The following KCNK13 variants were observed in gnomAD, a reference collection of about 807,000 sequenced individuals.
KCNK13 encodes the protein potassium two pore domain channel subfamily K member 13, also known as potassium channel subfamily K member 13.
KCNK13 carries 12 observed loss-of-function variants against 23.4 expected under a neutral mutation model. The observed-to-expected ratio is 0.51, with a 90% CI of 0.33 to 0.83. KCNK13 has a LOEUF of 0.83. Ranked by LOEUF, KCNK13 falls within the 40% of genes least tolerant of loss-of-function variation. The pLI is 0.02. For missense variants in KCNK13, 463 were observed against 556.3 expected, an observed-to-expected ratio of 0.83 and a Z score of 1.69; for synonymous variants, 231 against 229.5, an observed-to-expected ratio of 1.01 and a Z score of -0.06.
chr14:90,162,922 C>A (rs1467473018), intron 1 of KCNK13, among the ~76,000 whole-genome samples: 1 of 151,958 alleles, frequency 6.6e-6, no homozygotes, highest in Non-Finnish European at 1.5e-5. Flanking sequence ...TCTTACCAAC[C>A]AATAAGAAAA....
chr14:90,125,566 G>A (rs968241282), intron 1 of KCNK13, among the ~76,000 whole-genome samples: 9 of 149,446 alleles, frequency 6.0e-5, no homozygotes, highest in Admixed American at 2.7e-4. Context: ...AAAATCATAT[G>A]TACCAAATAA....
At position 90,184,695 on chromosome 14, in the gene KCNK13, T is replaced by A. The variant is rs1364905491; in HGVS notation, c.919T>A (p.Leu307Met). Residue 307 changes from leucine to methionine, a missense_variant, in exon 2 of 2, where the codon TTG becomes ATG. Physicochemically the swap from Leu to Met is conservative, Grantham distance 15 (BLOSUM62 2). This residue lies in a region of KCNK13 where 166 missense variants were observed against 178.8 expected (regional missense o/e 0.93). Coordinates refer to ENST00000282146, the MANE Select transcript of KCNK13 (RefSeq NM_022054.4). The surrounding 1 kb of genome is among the most constrained non-coding windows in gnomAD (Gnocchi z 5.6). The stretch of plus-strand genomic sequence containing the variant: ...CTGCCCGCAATGCCAGAGAGGACTC[T>A]TGCGATCACGCAGGAACGTGGTGAT... ...GCCPQCQRGL[L>M]RSRRNVVMPG... The A allele has an allele frequency of 6.2e-7, 1 of 1,614,236 alleles. No individual in the cohort carries two copies. The highest frequency in any genetic ancestry group is 1.7e-5 in the Admixed American group (1 of 60,028).
intron 1 of KCNK13, among the ~76,000 whole-genome samples, chr14:90,093,970 G>A (rs927112338): frequency 6.6e-6 from 1 of 152,068 alleles, no homozygotes; most frequent in Non-Finnish European, 1.5e-5. Flanking sequence ...ATTTGCAGGG[G>A]GTGCCATTTT....
At chr14:90,182,825 TAA>T (rs11298963) in intron 1 of KCNK13, among the ~76,000 whole-genome samples, 89 of 142,234 alleles carry the variant, frequency 6.3e-4, no homozygotes, top group East Asian at 1.2e-3. Context: ...CCCATCTCTT[TAA>T]AAAAAAAAAA....
chr14:90,121,769 G>A (rs1489007975), intron 1 of KCNK13, among the ~76,000 whole-genome samples: 2 of 152,042 alleles, frequency 1.3e-5, no homozygotes, highest in African/African-American at 4.8e-5. Context: ...GCCAAGGCTG[G>A]AGTACAGTGG....
At chr14:90,121,359 C>T (rs781493738) in intron 1 of KCNK13, among the ~76,000 whole-genome samples, 2 of 152,160 alleles carry the variant, frequency 1.3e-5, no homozygotes, top group Non-Finnish European at 2.9e-5. Flanking sequence ...CTGTAAGCAC[C>T]GTGGCTTCCT....
chr14:90,094,342 T>G (rs183887310), intron 1 of KCNK13, among the ~76,000 whole-genome samples: 1 of 152,342 alleles, frequency 6.6e-6, no homozygotes, highest in African/African-American at 2.4e-5. Context: ...ACTTGTCTAG[T>G]GTTTGCTCAA....
intron 1 of KCNK13, among the ~76,000 whole-genome samples, chr14:90,106,643 T>G (rs1363420206): frequency 6.6e-6 from 1 of 152,152 alleles, no homozygotes; most frequent in Non-Finnish European, 1.5e-5. Context: ...TGAAATTTTA[T>G]AGATAAAATA....
chr14:90,164,263 G>A (rs1282604484), intron 1 of KCNK13, among the ~76,000 whole-genome samples: 2 of 152,166 alleles, frequency 1.3e-5, no homozygotes, highest in Admixed American at 6.5e-5. Flanking sequence ...ACTGGCTTTG[G>A]CCAAAGGAAA....
At chr14:90,144,926 G>A (rs1890056388) in intron 1 of KCNK13, among the ~76,000 whole-genome samples, 1 of 152,072 alleles carries the variant, frequency 6.6e-6, no homozygotes, top group Non-Finnish European at 1.5e-5. Context: ...GTTAATATTA[G>A]CGGTAGGGTT....
chr14:90,095,054 C>T (rs543201964), intron 1 of KCNK13, among the ~76,000 whole-genome samples: 8 of 152,164 alleles, frequency 5.3e-5, no homozygotes, highest in African/African-American at 1.2e-4. Flanking sequence ...AAATGGATTA[C>T]GTGTTATCCC....
At chr14:90,087,156 T>TATA (rs1555401790) in intron 1 of KCNK13, among the ~76,000 whole-genome samples, 131 of 117,718 alleles carry the variant, frequency 1.1e-3, no homozygotes, top group East Asian at 6.0e-3. Flanking sequence ...ATATATATAT[T>TATA]TTTTTTTTTT....
chr14:90,145,721 G>C (rs376954415), intron 1 of KCNK13, among the ~76,000 whole-genome samples: 19 of 152,158 alleles, frequency 1.2e-4, no homozygotes, highest in African/African-American at 4.3e-4. Flanking sequence ...GAGATGGTTG[G>C]CCAGGTGTGG....
intron 1 of KCNK13, among the ~76,000 whole-genome samples, chr14:90,142,040 G>A (rs1890014234): frequency 1.3e-5 from 2 of 151,364 alleles, no homozygotes. Context: ...GTCCGCCTCA[G>A]CCTCCTAAAG....
At chr14:90,115,220 T>C (rs1889662077) in intron 1 of KCNK13, among the ~76,000 whole-genome samples, 1 of 152,170 alleles carries the variant, frequency 6.6e-6, no homozygotes, top group Non-Finnish European at 1.5e-5. Flanking sequence ...CAGCAGTAGT[T>C]GGACCCTACC....
intron 1 of KCNK13, among the ~76,000 whole-genome samples, chr14:90,116,809 C>T (rs1482425935): frequency 1.3e-5 from 2 of 152,184 alleles, no homozygotes; most frequent in African/African-American, 2.4e-5. Context: ...CATCTTTTCT[C>T]CTACTGGGAG....
At chr14:90,149,652 GA>G (rs1359028115) in intron 1 of KCNK13, among the ~76,000 whole-genome samples, 6 of 152,328 alleles carry the variant, frequency 3.9e-5, no homozygotes, top group African/African-American at 1.4e-4. Flanking sequence ...TTTGGGTGGG[GA>G]CACAGCCAAA....
intron 1 of KCNK13, among the ~76,000 whole-genome samples, chr14:90,069,048 T>TC (rs1889042844): frequency 1.4e-5 from 2 of 147,970 alleles, no homozygotes; most frequent in African/African-American, 5.0e-5. Context: ...TTTTTTTTTT[T>TC]TTTTTTGAGA....
chr14:90,101,790 C>CAAAAAAAAAAAAAAAAAAA lies in KCNK13; in HGVS notation c.334+39255_334+39273dup, dbSNP rs546423368. On this transcript the variant is annotated intron_variant, in intron 1 of 1. Coordinates refer to ENST00000282146, the MANE Select transcript of KCNK13 (RefSeq NM_022054.4). ...GGGCAACAGAGTGAGACTCCGTCTC[C>CAAAAAAAAAAAAAAAAAAA]AAAAAAAAAAAAAAAAAAAAAACCT... Among the ~76,000 whole-genome samples, 111 of 55,558 alleles carry CAAAAAAAAAAAAAAAAAAA rather than the reference C, an allele frequency of 2.0e-3. 3 individuals carry two copies. Among genetic ancestry groups the CAAAAAAAAAAAAAAAAAAA allele is most frequent in the African/African-American group, 4.7e-3 (71 of 15,146 alleles). The allele number at this position is 55,558 out of a possible 152,430, so 36.4% of individuals were successfully genotyped here.
Sources: allele counts gnomAD v4.1 joint callset (sites outside exome capture counted in the v4.1 genomes callset), GRCh38; gene constraint gnomAD v4.1.1; regional missense constraint gnomAD v4.1.1; non-coding constraint Gnocchi (gnomAD v3.1); transcripts MANE v1.5; gene names NCBI Gene and HGNC (gene_info 2026-07-23, HGNC 2026-07-21).